Variants in PODXL2 observed in about 807,000 individuals in gnomAD.
The protein encoded by PODXL2 is podocalyxin like 2, also known as podocalyxin-like protein 2.
Under a neutral mutation model 53.4 loss-of-function variants are expected in PODXL2, and 17 were observed. That is an observed-to-expected ratio of 0.32 (90% confidence interval 0.22 to 0.48). PODXL2 has a LOEUF of 0.48. Among genes scored for constraint, PODXL2 ranks in the 20% least tolerant of loss-of-function variants. The pLI is 0.99. For synonymous variants in PODXL2, 311 were observed against 306.7 expected, an observed-to-expected ratio of 1.01 and a Z score of -0.15; for missense variants, 673 against 760.0, an observed-to-expected ratio of 0.89 and a Z score of 1.35.
chr3:127,664,821 C>G (rs752724601), intron 4 of PODXL2, among the ~76,000 whole-genome samples: 3 of 151,918 alleles, frequency 2.0e-5, no homozygotes, highest in Non-Finnish European at 2.9e-5. Flanking sequence ...TTGCATTTTC[C>G]CTGATGATTG....
At chr3:127,633,314 G>A (rs149617982) in intron 1 of PODXL2, among the ~76,000 whole-genome samples, 1 of 152,216 alleles carries the variant, frequency 6.6e-6, no homozygotes, top group African/African-American at 2.4e-5. Flanking sequence ...AGCCCCACAA[G>A]TAATAGCTTT....
rs768093168 is a variant in PODXL2 at position 127,672,449 on chromosome 3, C to T, written c.1787C>T (p.Ser596Leu). ...LMGGKRDPED[S>L]DVFEEDTHL ...GGGGGCAAGCGGGACCCCGAGGACT[C>T]GGACGTGTTCGAGGAGGACACGCAC... Residue 596 changes from serine (S) to leucine (L), a missense_variant, in exon 8 of 8, where the codon TCG becomes TTG. By Grantham distance (145) the Ser-to-Leu change is moderately radical. Transcript: ENST00000342480. 2.6e-6 allele frequency: 4 copies of T among 1,534,936 alleles called. No homozygotes were observed. The South Asian group carries it at 3.6e-5, about 14-fold the overall frequency.
chr3:127,662,182 T>C, intron 3 of PODXL2, 55 bp from the exon 4 acceptor site: 2 of 1,493,688 alleles, frequency 1.3e-6, no homozygotes, highest in Non-Finnish European at 1.9e-6. Flanking sequence ...CTCTCTCCCC[T>C]GTCCCTTTCC....
intron 1 of PODXL2, among the ~76,000 whole-genome samples, chr3:127,635,637 G>C (rs1243744686): frequency 6.6e-6 from 1 of 152,210 alleles, no homozygotes; most frequent in Non-Finnish European, 1.5e-5. Context: ...AGCATCACCT[G>C]GGAACTTGCT....
intron 2 of PODXL2, among the ~76,000 whole-genome samples, chr3:127,641,178 C>T (rs1481758695): frequency 6.6e-6 from 1 of 152,102 alleles, no homozygotes; most frequent in Non-Finnish European, 1.5e-5. Flanking sequence ...TCCCAAAGTG[C>T]TGGGATTACA....
intron 2 of PODXL2, among the ~76,000 whole-genome samples, chr3:127,646,450 C>T (rs1052555206): frequency 6.6e-6 from 1 of 151,178 alleles, no homozygotes; most frequent in East Asian, 1.9e-4. Context: ...AATGGTGCAA[C>T]AGTCTTGGCT....
At position 127,672,419 on chromosome 3, in the gene PODXL2, T is replaced by A. The variant is rs76958748; in HGVS notation, c.1757T>A (p.Leu586His). The part of the protein sequence containing the change: ...ALNGPGSWGA[L>H]MGGKRDPEDS... ...AACGGCCCGGGGAGCTGGGGGGCGC[T>A]CATGGGGGGCAAGCGGGACCCCGAG... The change falls in exon 8 of 8, where the codon CTC becomes CAC. Residue 586 changes from leucine (L) to histidine (H), a missense_variant. Around this residue, in one of 3 missense-constraint regions of PODXL2, gnomAD observed 79 missense variants for 70.5 expected, o/e 1.12. Coordinates refer to ENST00000342480, the MANE Select transcript of PODXL2 (RefSeq NM_015720.4). 6.5e-7 allele frequency: 1 copy of A among 1,541,810 alleles called. No homozygotes were observed. Among genetic ancestry groups the A allele is most frequent in the Admixed American group, 2.0e-5 (1 of 50,910 alleles).
At chr3:127,671,306 A>T in intron 6 of PODXL2, 128 bp from the exon 7 acceptor site, 1 of 803,822 alleles carries the variant, frequency 1.2e-6, no homozygotes, top group Non-Finnish European at 2.0e-6. Context: ...AGGGAACTTC[A>T]GGAGCCGGGA....
At position 127,668,647 on chromosome 3, in the gene PODXL2, G is replaced by A. The variant is rs761008758; in HGVS notation, c.1363+50G>A. ...GGCCCAGGAGGGCAGTGGGAGGCGG[G>A]CGGCCCCTGAGGGTCACGGGAAAAA... On this transcript the variant is annotated intron_variant, in intron 5 of 7. Transcript: ENST00000342480. The A allele has an allele frequency of 6.9e-6, 10 of 1,442,870 alleles. No homozygotes were observed. In the South Asian group the frequency reaches 1.4e-4, roughly 20 times the overall value. 89.4% of individuals were successfully genotyped at this position (1,442,870 alleles called of 1,614,324 possible).
chr3:127,668,120 G>GTC (rs542988321), intron 4 of PODXL2, among the ~76,000 whole-genome samples: 2 of 151,848 alleles, frequency 1.3e-5, no homozygotes, highest in Non-Finnish European at 2.9e-5. Context: ...GTGTGTGTGT[G>GTC]TGTGTGTGTG....
intron 3 of PODXL2, 46 bp from the exon 4 acceptor site, chr3:127,662,191 C>T (rs2074772207): frequency 1.9e-6 from 3 of 1,549,774 alleles, no homozygotes; most frequent in African/African-American, 1.4e-5. Flanking sequence ...CTGTCCCTTT[C>T]CTATGCCTTC....
intron 2 of PODXL2, among the ~76,000 whole-genome samples, chr3:127,642,609 A>T (rs2074628201): frequency 6.6e-6 from 1 of 152,048 alleles, no homozygotes; most frequent in African/African-American, 2.4e-5. Flanking sequence ...CCCCCCACCA[A>T]GTGTTCTCTC....
rs572550381 is a variant in PODXL2 at position 127,662,163 on chromosome 3, C to T, written c.1132-74C>T. 75 of 1,341,254 alleles carry T rather than the reference C, an allele frequency of 5.6e-5. No individual in the cohort carries two copies. In the African/African-American group the frequency reaches 6.6e-4, roughly 12 times the overall value. The allele number at this position is 1,341,254 out of a possible 1,614,324, so 83.1% of individuals were successfully genotyped here. ...ACCTTCCAGCTTCCCAAAAGGCCTC[C>T]GACCGGGGCTCTCTCCCCTGTCCCT... On this transcript the variant is annotated intron_variant, in intron 3 of 7. Coordinates refer to ENST00000342480, the MANE Select transcript of PODXL2 (RefSeq NM_015720.4).
intron 2 of PODXL2, 94 bp from the exon 3 acceptor site, chr3:127,660,284 G>A (rs561542563): frequency 3.3e-6 from 5 of 1,509,868 alleles, no homozygotes; most frequent in Admixed American, 1.9e-5. Flanking sequence ...CCCTGTCAGT[G>A]TATTGTGGTT....
rs1213477658 is a variant in PODXL2 at position 127,668,607 on chromosome 3, G to A, written c.1363+10G>A. 1 of 1,512,454 alleles carries A rather than the reference G, an allele frequency of 6.6e-7. No homozygotes were observed. Among genetic ancestry groups the A allele is most frequent in the Non-Finnish European group, 8.9e-7 (1 of 1,128,304 alleles). The allele number at this position is 1,512,454 out of a possible 1,614,324, so 93.7% of individuals were successfully genotyped here. ...CTGGTGGGCGAGCAGGGTGAGCGAG[G>A]GCAGGTGATGGGAGGGCCCAGGAGG... On this transcript the variant is annotated intron_variant, in intron 5 of 7. Coordinates refer to ENST00000342480, the MANE Select transcript of PODXL2 (RefSeq NM_015720.4).
At chr3:127,632,228 C>G (rs769703377) in intron 1 of PODXL2, among the ~76,000 whole-genome samples, 1 of 152,212 alleles carries the variant, frequency 6.6e-6, no homozygotes, top group Non-Finnish European at 1.5e-5. Flanking sequence ...GAGTTCCAAG[C>G]CATTCCGAGG....
intron 2 of PODXL2, among the ~76,000 whole-genome samples, chr3:127,642,058 G>A (rs988984329): frequency 2.0e-5 from 3 of 151,904 alleles, no homozygotes; most frequent in African/African-American, 4.8e-5. Context: ...TTGGGAGTTC[G>A]AGGTGGGCAG....
At chr3:127,643,223 T>C (rs2074632527) in intron 2 of PODXL2, among the ~76,000 whole-genome samples, 1 of 152,340 alleles carries the variant, frequency 6.6e-6, no homozygotes, top group East Asian at 1.9e-4. Context: ...ACTTTTTTTT[T>C]CTTCGAGATG....
chr3:127,657,211 T>A (rs144256680), intron 2 of PODXL2, among the ~76,000 whole-genome samples: 1 of 152,208 alleles, frequency 6.6e-6, no homozygotes, highest in Admixed American at 6.5e-5. Context: ...TCTGGAGATG[T>A]TGATGCTCTC....
Sources: allele counts gnomAD v4.1 joint callset (sites outside exome capture counted in the v4.1 genomes callset), GRCh38; gene constraint gnomAD v4.1.1; regional missense constraint gnomAD v4.1.1; transcripts MANE v1.5; gene names NCBI Gene and HGNC (gene_info 2026-07-23, HGNC 2026-07-21).